The following TOX2 variants were observed in gnomAD, a reference collection of about 807,000 sequenced individuals.
TOX2 encodes granulosa cell HMG box 1.
Under a neutral mutation model 47.4 loss-of-function variants are expected in TOX2, and 15 were observed. The observed-to-expected ratio is 0.32, with a 90% CI of 0.21 to 0.49. The LOEUF (loss-of-function observed/expected upper bound fraction) is 0.49, where lower values mean the gene tolerates loss of function less well. Ranked by LOEUF, TOX2 falls within the 20% of genes least tolerant of loss-of-function variation. The probability of loss-of-function intolerance (pLI) is 0.99; values close to 1 mark genes in which losing one functional copy is unlikely to be tolerated. For missense variants in TOX2, 622 were observed against 673.1 expected (o/e 0.92, Z 0.84); for synonymous variants, 290 against 296.6 (o/e 0.98, Z 0.23).
chr20:43,970,443 C>T (rs1318246440), intron 1 of TOX2, among the ~76,000 whole-genome samples: 2 of 152,228 alleles, frequency 1.3e-5, no homozygotes, highest in Non-Finnish European at 2.9e-5. Flanking sequence ...TTCTCACCAG[C>T]ATTTAATAAA....
At chr20:43,997,758 A>G (rs1369856206) in intron 2 of TOX2, among the ~76,000 whole-genome samples, 1 of 152,166 alleles carries the variant, frequency 6.6e-6, no homozygotes, top group Non-Finnish European at 1.5e-5. Flanking sequence ...ATAAAAGTAT[A>G]ATTTTTCATT....
intron 3 of TOX2, among the ~76,000 whole-genome samples, chr20:44,010,304 C>T (rs944091763): frequency 6.6e-6 from 1 of 152,338 alleles, no homozygotes; most frequent in African/African-American, 2.4e-5. Flanking sequence ...TTGTTGGGCT[C>T]TGTCCAAATA....
chr20:43,917,635 C>T (rs985308425), intron 1 of TOX2, among the ~76,000 whole-genome samples: 10 of 152,278 alleles, frequency 6.6e-5, no homozygotes, highest in East Asian at 1.9e-4. Context: ...CCCTTGGCGA[C>T]TGTCCCCTTA....
At chr20:44,018,673 A>G (rs80047985) in intron 3 of TOX2, among the ~76,000 whole-genome samples, 1,768 of 152,258 alleles carry the variant, frequency 0.012, 30 homozygotes, top group African/African-American at 0.04. Context: ...GTCCATTTAG[A>G]ACTCGGAGCC....
At chr20:43,935,764 G>GA (rs1015494307) in intron 1 of TOX2, among the ~76,000 whole-genome samples, 53 of 151,702 alleles carry the variant, frequency 3.5e-4, no homozygotes, top group African/African-American at 1.2e-3. Context: ...TGTCTCTCCT[G>GA]AAAATACAAA....
chr20:43,998,720 CATCTATCT>C (rs34142021), intron 2 of TOX2, among the ~76,000 whole-genome samples: 891 of 60,942 alleles, frequency 0.015, 11 homozygotes, highest in Admixed American at 0.026. Context: ...TGGCCTGATA[CATCTATCT>C]ATCTATCTAT....
intron 2 of TOX2, among the ~76,000 whole-genome samples, chr20:44,001,194 T>C (rs945186024): frequency 3.9e-5 from 6 of 152,344 alleles, no homozygotes; most frequent in African/African-American, 1.4e-4. Flanking sequence ...CCAATTCTAC[T>C]GTAGGAAAAT....
At chr20:44,049,956 G>T (rs944390517) in intron 3 of TOX2, among the ~76,000 whole-genome samples, 1 of 152,196 alleles carries the variant, frequency 6.6e-6, no homozygotes, top group Non-Finnish European at 1.5e-5. Flanking sequence ...ACACACACGT[G>T]CATGTATCTT....
intron 1 of TOX2, among the ~76,000 whole-genome samples, chr20:43,940,351 G>A (rs1258514712): frequency 6.6e-6 from 1 of 151,820 alleles, no homozygotes; most frequent in Non-Finnish European, 1.5e-5. Context: ...GAGTAGCTGG[G>A]ATTACAGGCA....
rs144411702 is a variant in TOX2, at chr20:43,937,339, C to T, written c.99+22349C>T. 6.9e-3 allele frequency among the ~76,000 whole-genome samples: 1,056 copies of T among 152,236 alleles called. 20 individuals carry two copies. Among genetic ancestry groups the T allele is most frequent in the East Asian group, 0.057 (297 of 5,178 alleles). On this transcript the variant is annotated intron_variant, in intron 1 of 8. Coordinates refer to ENST00000341197, the MANE Select transcript of TOX2 (RefSeq NM_001098797.2). ...TGAGCATTTCCGTGCGATGCAGTCTCAGGAGGGAGGTGGCTGATAACCTTC... is the reference window on the plus strand; with the variant it reads ...TGAGCATTTCCGTGCGATGCAGTCTTAGGAGGGAGGTGGCTGATAACCTTC...
intron 2 of TOX2, among the ~76,000 whole-genome samples, chr20:43,990,475 T>C (rs1382390184): frequency 2.0e-5 from 3 of 152,200 alleles, no homozygotes; most frequent in Non-Finnish European, 1.5e-5. Flanking sequence ...CCCAGATCAC[T>C]GGGCCCCATT....
intron 3 of TOX2, among the ~76,000 whole-genome samples, chr20:44,021,556 C>T (rs529296718): frequency 6.6e-6 from 1 of 152,338 alleles, no homozygotes; most frequent in South Asian, 2.1e-4. Flanking sequence ...TTCTTACCTT[C>T]TGCTTCTGTA....
rs187074859 is a variant in TOX2 at position 44,004,144 on chromosome 20, G to A, written c.166-2403G>A. 4.5e-3 allele frequency among the ~76,000 whole-genome samples: 678 copies of A among 152,308 alleles called. 4 individuals are homozygous for A. The highest frequency in any genetic ancestry group is 8.2e-3 in the Non-Finnish European group (558 of 68,024). ...CCCAGGTTCGTGGTTCTATGAACGGGATGGAAGGTAGTGTCACTTGCTGAG... is the reference window on the plus strand; with the variant it reads ...CCCAGGTTCGTGGTTCTATGAACGGAATGGAAGGTAGTGTCACTTGCTGAG... On this transcript the variant is annotated intron_variant, in intron 2 of 8. Coordinates refer to ENST00000341197, the MANE Select transcript of TOX2 (RefSeq NM_001098797.2).
At chr20:44,002,649 G>A (rs998040831) in intron 2 of TOX2, among the ~76,000 whole-genome samples, 8 of 152,162 alleles carry the variant, frequency 5.3e-5, no homozygotes, top group Non-Finnish European at 1.2e-4. Context: ...TCATGGTTCT[G>A]CAGGCTGTAT....
At chr20:44,068,389 C>T (rs1569156963) in intron 8 of TOX2, among the ~76,000 whole-genome samples, 4 of 151,916 alleles carry the variant, frequency 2.6e-5, no homozygotes, top group East Asian at 3.9e-4. Flanking sequence ...GCGTGCGCCT[C>T]GATGAAAGAC....
intron 1 of TOX2, among the ~76,000 whole-genome samples, chr20:43,962,167 C>T (rs186195416): frequency 1.3e-5 from 2 of 152,324 alleles, no homozygotes; most frequent in African/African-American, 2.4e-5. Flanking sequence ...GTAATGCAGA[C>T]GGTGTGTGAG....
intron 2 of TOX2, among the ~76,000 whole-genome samples, chr20:43,989,988 T>C (rs747939748): frequency 1.3e-5 from 2 of 152,138 alleles, no homozygotes; most frequent in Non-Finnish European, 2.9e-5. Flanking sequence ...GTTGGCCGGA[T>C]TCAGTTCCCC....
chr20:43,946,098 T>C, intron 1 of TOX2: 1 of 1,597,144 alleles, frequency 6.3e-7, no homozygotes, highest in Non-Finnish European at 8.5e-7. Context: ...CACTGTGGGC[T>C]GAAGATAGGT....
chr20:43,975,059 C>T (rs1480318253), intron 2 of TOX2, among the ~76,000 whole-genome samples: 1 of 152,234 alleles, frequency 6.6e-6, no homozygotes, highest in Non-Finnish European at 1.5e-5. Context: ...TCTCAGCAGA[C>T]CAGAGTTAGC....
Sources: gnomAD v4.1 joint callset for allele counts (sites outside exome capture counted in the v4.1 genomes callset) on GRCh38, gnomAD v4.1.1 for gene constraint, MANE v1.5 for transcripts, NCBI Gene and HGNC (gene_info 2026-07-23, HGNC 2026-07-21) for gene names.